The following NAT1 variants were observed in gnomAD, a reference collection of about 807,000 sequenced individuals.
NAT1 encodes arylamine N-acetyltransferase 1.
For synonymous variants in NAT1, 144 were observed against 122.6 expected, an observed-to-expected ratio of 1.17 and a Z score of -1.16; for missense variants, 400 against 339.2, an observed-to-expected ratio of 1.18 and a Z score of -1.41.
chr8:18,216,768 T>G (rs1025884150), intron 1 of NAT1: 7 of 618,310 alleles, frequency 1.1e-5, no homozygotes, highest in African/African-American at 1.1e-4. Context: ...GGCTAAGCAG[T>G]TGACAGACAG....
intron 1 of NAT1, chr8:18,216,944 A>C: frequency 6.4e-7 from 1 of 1,551,470 alleles, no homozygotes; most frequent in African/African-American, 1.4e-5. Context: ...CACAGGGTCC[A>C]GCTGTTGGCT....
chr8:18,172,471 C>G (rs985777912), intron 2 of NAT1, among the ~76,000 whole-genome samples: 4 of 152,120 alleles, frequency 2.6e-5, no homozygotes, highest in African/African-American at 4.8e-5. Context: ...TCCTTGCCGC[C>G]AGGCTTGTCA....
At chr8:18,217,999 A>G (rs568215879) in intron 1 of NAT1, among the ~76,000 whole-genome samples, 2 of 152,174 alleles carry the variant, frequency 1.3e-5, no homozygotes, top group Non-Finnish European at 2.9e-5. Flanking sequence ...TATTTTCCCT[A>G]TATCTGTATT....
At chr8:18,201,798 C>T (rs185727612) in intron 2 of NAT1, among the ~76,000 whole-genome samples, 7 of 152,222 alleles carry the variant, frequency 4.6e-5, no homozygotes, top group South Asian at 2.1e-4. Flanking sequence ...TTCTTGATTT[C>T]GGGGTATCTA....
chr8:18,200,269 T>C (rs1415641000), intron 2 of NAT1, among the ~76,000 whole-genome samples: 1 of 152,018 alleles, frequency 6.6e-6, no homozygotes, highest in Non-Finnish European at 1.5e-5. Flanking sequence ...CTATTCGCAA[T>C]AGCAAAGATA....
chr8:18,208,977 G>A (rs1589098912), upstream of NAT1, among the ~76,000 whole-genome samples: 1 of 149,088 alleles, frequency 6.7e-6, no homozygotes, highest in East Asian at 1.9e-4. Flanking sequence ...GAGTTGTCGC[G>A]GGACAGTGAG....
intron 1 of NAT1, among the ~76,000 whole-genome samples, chr8:18,214,280 C>T (rs1804412433): frequency 6.6e-6 from 1 of 152,310 alleles, no homozygotes; most frequent in South Asian, 2.1e-4. Flanking sequence ...TACTTGTTCA[C>T]TGGCCATGAA....
intron 2 of NAT1, among the ~76,000 whole-genome samples, chr8:18,199,713 C>T (rs985284470): frequency 4.6e-5 from 7 of 152,098 alleles, no homozygotes; most frequent in Non-Finnish European, 7.3e-5. Flanking sequence ...TCACTGGTGA[C>T]GGCTGCAGTT....
chr8:18,199,716 C>T (rs1803384708), intron 2 of NAT1, among the ~76,000 whole-genome samples: 1 of 152,160 alleles, frequency 6.6e-6, no homozygotes, highest in Non-Finnish European at 1.5e-5. Flanking sequence ...CTGGTGACGG[C>T]TGCAGTTTTG....
intron 2 of NAT1, among the ~76,000 whole-genome samples, chr8:18,203,904 C>T (rs1237724511): frequency 2.0e-5 from 3 of 152,098 alleles, no homozygotes; most frequent in African/African-American, 4.8e-5. Flanking sequence ...GGGCTAGACA[C>T]GTTAAAGATG....
rs527544460 is a variant in NAT1, at chr8:18,174,790, A to G, written n.92+4051A>G. 9.2e-5 allele frequency among the ~76,000 whole-genome samples: 14 copies of G among 152,222 alleles called. No individual in the cohort carries two copies. The East Asian group carries it at 2.7e-3, about 29-fold the overall frequency. ...AACTCTGGGCAAACCTCAGCACACA[A>G]GCCTAAGCCCCATCTTTTACAGAAA... On this transcript the variant is annotated intron_variant and non_coding_transcript_variant, in intron 2 of 4. Transcript: ENST00000517441.
intron 2 of NAT1, among the ~76,000 whole-genome samples, chr8:18,202,481 A>G (rs1803507001): frequency 6.6e-6 from 1 of 152,150 alleles, no homozygotes; most frequent in South Asian, 2.1e-4. Flanking sequence ...GAAGCTGCGG[A>G]CCTTTGCGGT....
chr8:18,189,009 A>AAAAAAAAG (rs1329509282), intron 2 of NAT1, among the ~76,000 whole-genome samples: 2 of 149,146 alleles, frequency 1.3e-5, no homozygotes, highest in South Asian at 2.1e-4. Context: ...AAAAAAAAAA[A>AAAAAAAAG]AAAGAAAGAA....
intron 2 of NAT1, among the ~76,000 whole-genome samples, chr8:18,181,662 T>C (rs1302073976): frequency 6.6e-6 from 1 of 152,166 alleles, no homozygotes; most frequent in Non-Finnish European, 1.5e-5. Context: ...TTCCAGATCT[T>C]AGGGCATAGG....
intron 2 of NAT1, among the ~76,000 whole-genome samples, chr8:18,185,439 AC>A (rs1802694685): frequency 6.6e-6 from 1 of 152,120 alleles, no homozygotes; most frequent in Admixed American, 6.5e-5. Flanking sequence ...TTGCCATAAT[AC>A]TGGTCATAAT....
chr8:18,186,940 G>A (rs1399999308), intron 2 of NAT1, among the ~76,000 whole-genome samples: 1 of 152,076 alleles, frequency 6.6e-6, no homozygotes, highest in Non-Finnish European at 1.5e-5. Context: ...CAGGGAAGGG[G>A]CCCCTGGCTA....
intron 2 of NAT1, among the ~76,000 whole-genome samples, chr8:18,194,657 T>C (rs1008263753): frequency 2.6e-5 from 4 of 151,726 alleles, no homozygotes; most frequent in Non-Finnish European, 5.9e-5. Flanking sequence ...CTGTCTCTAC[T>C]AAAAATACAA....
At chr8:18,183,788 A>G (rs1802616337) in intron 2 of NAT1, among the ~76,000 whole-genome samples, 1 of 152,198 alleles carries the variant, frequency 6.6e-6, no homozygotes, top group South Asian at 2.1e-4. Flanking sequence ...AGGCAAGAAG[A>G]AAGGGGTAGC....
intron 2 of NAT1, among the ~76,000 whole-genome samples, chr8:18,202,246 C>T (rs1803494817): frequency 1.3e-5 from 2 of 152,134 alleles, no homozygotes; most frequent in Non-Finnish European, 2.9e-5. Context: ...AGTTCTGTGC[C>T]TTTGAGATAC....
Sources: allele counts gnomAD v4.1 joint callset (sites outside exome capture counted in the v4.1 genomes callset), GRCh38; gene constraint gnomAD v4.1.1; transcripts MANE v1.5; gene names NCBI Gene and HGNC (gene_info 2026-07-23, HGNC 2026-07-21).